Variants in ARHGAP20 observed in about 807,000 individuals in gnomAD.
ARHGAP20 encodes rho GTPase-activating protein 20.
ARHGAP20 carries 34 observed loss-of-function variants against 73.7 expected under a neutral mutation model. The observed-to-expected ratio is 0.46, with a 90% CI of 0.35 to 0.61. The LOEUF (loss-of-function observed/expected upper bound fraction) is 0.61, where lower values mean the gene tolerates loss of function less well. Among genes scored for constraint, ARHGAP20 ranks in the 20% least tolerant of loss-of-function variants. ARHGAP20 has a pLI of 0.00. For missense variants in ARHGAP20, 1,314 were observed against 1,420.9 expected (o/e 0.92, Z 1.21); for synonymous variants, 523 against 518.2 (o/e 1.01, Z -0.13).
chr11:110,691,008 T>C (rs1397991960), intron 1 of ARHGAP20: 40 of 1,522,354 alleles, frequency 2.6e-5, no homozygotes, highest in Non-Finnish European at 3.4e-5. Context: ...TCCGGGTAGA[T>C]ACTACTATCT....
At chr11:110,636,286 T>C (rs1948966180) in intron 2 of ARHGAP20, among the ~76,000 whole-genome samples, 1 of 152,110 alleles carries the variant, frequency 6.6e-6, no homozygotes, top group Non-Finnish European at 1.5e-5. Context: ...GGGCAACCTG[T>C]CTGGGTCATG....
At chr11:110,641,679 G>A (rs1949081591) in intron 2 of ARHGAP20, among the ~76,000 whole-genome samples, 1 of 151,806 alleles carries the variant, frequency 6.6e-6, no homozygotes. Context: ...CTGGGCAATG[G>A]AGCAAGACCC....
chr11:110,644,343 G>A (rs1269297958), intron 2 of ARHGAP20, among the ~76,000 whole-genome samples: 1 of 151,970 alleles, frequency 6.6e-6, no homozygotes, highest in Non-Finnish European at 1.5e-5. Context: ...ACACGAAATA[G>A]TCAAAGCAAT....
At chr11:110,689,526 T>G (rs578143693) in intron 2 of ARHGAP20, among the ~76,000 whole-genome samples, 1 of 151,168 alleles carries the variant, frequency 6.6e-6, no homozygotes, top group East Asian at 1.9e-4. Flanking sequence ...AACGAATAAA[T>G]TAATGAATAA....
intron 6 of ARHGAP20, among the ~76,000 whole-genome samples, chr11:110,613,686 G>A (rs904144955): frequency 2.0e-5 from 3 of 152,036 alleles, no homozygotes; most frequent in African/African-American, 4.8e-5. Context: ...ATTGCTACAG[G>A]AGATCTCTGT....
intron 2 of ARHGAP20, among the ~76,000 whole-genome samples, chr11:110,638,649 A>T (rs1440115457): frequency 6.6e-6 from 1 of 152,008 alleles, no homozygotes; most frequent in Non-Finnish European, 1.5e-5. Flanking sequence ...GCACATATAC[A>T]CCATGGAATA....
chr11:110,589,792 T>C (rs1947775091), intron 11 of ARHGAP20: 2 of 829,440 alleles, frequency 2.4e-6, no homozygotes, highest in Non-Finnish European at 1.5e-6. Context: ...AAGGAAAACT[T>C]AGATGCTGAA....
intron 11 of ARHGAP20, among the ~76,000 whole-genome samples, chr11:110,586,817 G>A (rs1214996042): frequency 6.6e-6 from 1 of 152,156 alleles, no homozygotes. Context: ...CAAAGTCTCT[G>A]TTATCTTGGA....
intron 8 of ARHGAP20, 101 bp downstream of exon 8, chr11:110,608,883 A>T: frequency 2.2e-6 from 2 of 894,490 alleles, no homozygotes; most frequent in Non-Finnish European, 3.5e-6. Flanking sequence ...TTTCATATTT[A>T]ATAGTATTTA....
chr11:110,587,024 C>A (rs1247448699), intron 11 of ARHGAP20, among the ~76,000 whole-genome samples: 2 of 152,172 alleles, frequency 1.3e-5, no homozygotes, highest in Admixed American at 6.5e-5. Flanking sequence ...TTATCCTTTT[C>A]TAGGAGACCC....
At chr11:110,593,683 G>T (rs1201091135) in intron 9 of ARHGAP20, among the ~76,000 whole-genome samples, 1 of 152,252 alleles carries the variant, frequency 6.6e-6, no homozygotes, top group Non-Finnish European at 1.5e-5. Context: ...GCTGGAAAGT[G>T]AGGGGGGATC....
chr11:110,667,975 G>A (rs1040899487), intron 2 of ARHGAP20, among the ~76,000 whole-genome samples: 2 of 152,228 alleles, frequency 1.3e-5, no homozygotes, highest in Admixed American at 1.3e-4. Flanking sequence ...TTGTAAAGAT[G>A]CTGAAATGAC....
chr11:110,591,938 A>T (rs781700260), intron 10 of ARHGAP20, 39 bp downstream of exon 10: 2 of 1,598,248 alleles, frequency 1.3e-6, no homozygotes, highest in South Asian at 1.1e-5. Flanking sequence ...TTTCCCAAAC[A>T]CCCTTTCCCA....
At chr11:110,699,224 C>G (rs1950396936) in intron 1 of ARHGAP20, among the ~76,000 whole-genome samples, 1 of 151,700 alleles carries the variant, frequency 6.6e-6, no homozygotes, top group Admixed American at 6.6e-5. Flanking sequence ...ATGAGAGTTC[C>G]TCTTGGTCTT....
chr11:110,669,481 A>T (rs1349936674), intron 2 of ARHGAP20, among the ~76,000 whole-genome samples: 1 of 152,134 alleles, frequency 6.6e-6, no homozygotes, highest in Non-Finnish European at 1.5e-5. Context: ...AGAAAAAAAA[A>T]ACCCAACACA....
At chr11:110,690,798 A>T (rs1950228168) in intron 1 of ARHGAP20, among the ~76,000 whole-genome samples, 169 bp from the exon 2 acceptor site, 1 of 148,734 alleles carries the variant, frequency 6.7e-6, no homozygotes, top group African/African-American at 2.5e-5. Flanking sequence ...TAGGATAGTT[A>T]AAAAAAAAAC....
chr11:110,593,320 G>C (rs773498182), intron 9 of ARHGAP20, among the ~76,000 whole-genome samples: 2 of 152,110 alleles, frequency 1.3e-5, no homozygotes, highest in Admixed American at 6.5e-5. Context: ...AAGTTTAACA[G>C]GTTTGCTTAT....
chr11:110,689,882 T>G (rs1285687716), intron 2 of ARHGAP20, among the ~76,000 whole-genome samples: 1 of 152,108 alleles, frequency 6.6e-6, no homozygotes, highest in Admixed American at 6.5e-5. Flanking sequence ...AGTCGCCTGC[T>G]TGGCCCTCTT....
chr11:110,596,882 G>C (rs967457941), intron 9 of ARHGAP20, among the ~76,000 whole-genome samples: 21 of 152,072 alleles, frequency 1.4e-4, no homozygotes, highest in African/African-American at 4.3e-4. Flanking sequence ...CAAAGACTTG[G>C]AACCAACCCA....
Sources: allele counts gnomAD v4.1 joint callset (sites outside exome capture counted in the v4.1 genomes callset), GRCh38; gene constraint gnomAD v4.1.1; transcripts MANE v1.5; gene names NCBI Gene and HGNC (gene_info 2026-07-23, HGNC 2026-07-21).